Variants in ENKD1 observed in about 807,000 individuals in gnomAD.
ENKD1 encodes enkurin domain containing 1, also known as enkurin domain-containing protein 1.
Under a neutral mutation model 35.8 loss-of-function variants are expected in ENKD1, and 39 were observed. That is an observed-to-expected ratio of 1.09 (90% CI 0.84 to 1.42). The LOEUF (loss-of-function observed/expected upper bound fraction) is 1.42, where lower values mean the gene tolerates loss of function less well. Among genes scored for constraint, ENKD1 ranks in the 40% most tolerant of loss-of-function variants. The probability of loss-of-function intolerance (pLI) is 0.00; values close to 1 mark genes in which losing one functional copy is unlikely to be tolerated. For synonymous variants in ENKD1, 205 were observed against 198.6 expected (o/e 1.03, Z -0.27); for missense variants, 474 against 471.3 (o/e 1.01, Z -0.05).
At position 67,666,510 on chromosome 16, in the gene ENKD1, C is replaced by T. The variant is rs998444242; in HGVS notation, c.-68G>A. On this transcript the variant is annotated 5_prime_UTR_variant, in exon 1 of 7. Transcript: ENST00000243878. ...GCTGTTTACCTCCCTCCCCGGGCCC[C>T]CTTCCCCAACCCCGGGCCCCCTCCC... The T allele has an allele frequency of 7.5e-6, 10 of 1,333,340 alleles. No individual in the cohort carries two copies. In the South Asian group the frequency reaches 1.3e-4, roughly 17 times the overall value. 82.6% of individuals were successfully genotyped at this position (1,333,340 alleles called of 1,614,324 possible). A position where few individuals can be genotyped will look rare whatever the true frequency, so the allele number is the denominator to read the frequency against.
Position 67,663,993 on chromosome 16 carries a change from G to A in ENKD1, c.523C>T (p.Leu175Phe). The A allele has an allele frequency of 2.5e-6, 4 of 1,589,686 alleles. No homozygotes were observed. Among genetic ancestry groups the A allele is most frequent in the East Asian group, 2.3e-5 (1 of 43,870 alleles). The change falls in exon 4 of 7, where the codon CTC becomes TTC. Residue 175 changes from leucine to phenylalanine, a missense_variant. Physicochemically the swap from Leu to Phe is conservative, Grantham distance 22. Coordinates refer to ENST00000243878, the MANE Select transcript of ENKD1 (RefSeq NM_032140.3). ...GGACTAGATACATGGGGTGGTGGGA[G>A]GCCAGGGCCGCAGCGGGAGTGCGCC... is the stretch of plus-strand genomic sequence containing the variant. Reference protein sequence around the residue: ...LRAHSRCGPGLPPPHVSSPQP... With the variant: ...LRAHSRCGPGFPPPHVSSPQP...
At position 67,665,091 on chromosome 16, in the gene ENKD1, G is replaced by C; in HGVS notation, c.358C>G (p.Arg120Gly). The C allele has an allele frequency of 6.2e-7, 1 of 1,613,864 alleles. No homozygotes were observed. The highest frequency in any genetic ancestry group is 8.5e-7 in the Non-Finnish European group (1 of 1,179,968). The stretch of plus-strand genomic sequence containing the variant: ...CTGGGCTGGCCCTGCTCCCGGCTGC[G>C]CTCCTGTTCTCTGAAGCGCTTCTGA... ...EIQKRFREQE[R>G]SREQGQPRPL... The change falls in exon 3 of 7, where the codon CGC (arginine) becomes GGC (glycine). Residue 120 changes from arginine (R) to glycine (G), a missense_variant. Physicochemically the swap from Arg to Gly is moderately radical, Grantham distance 125 (BLOSUM62 -2). Transcript: ENST00000243878.
intron 3 of ENKD1, 106 bp downstream of exon 3, chr16:67,664,890 C>G (rs1032687083): frequency 5.7e-6 from 8 of 1,396,808 alleles, no homozygotes; most frequent in Non-Finnish European, 7.6e-6. Context: ...TCTCTTAGTC[C>G]TCTGTTACCT....
intron 3 of ENKD1, among the ~76,000 whole-genome samples, chr16:67,664,741 C>A (rs1411852761): frequency 6.6e-6 from 1 of 152,220 alleles, no homozygotes; most frequent in Non-Finnish European, 1.5e-5. Flanking sequence ...GCTGCGTGCC[C>A]TGTGGTCTGT....
intron 6 of ENKD1, 30 bp from the exon 7 acceptor site, chr16:67,663,351 G>A: frequency 6.2e-7 from 1 of 1,613,002 alleles, no homozygotes; most frequent in South Asian, 1.1e-5. Context: ...AGTGAGAACA[G>A]TGAGTGTTGG....
chr16:67,666,102 C>A lies in ENKD1; in HGVS notation c.249G>T (p.Gly83=), dbSNP rs2053098011. Residue 83 remains glycine (G), a synonymous_variant, in exon 2 of 7, where the codon GGG becomes GGT. Coordinates refer to ENST00000243878, the MANE Select transcript of ENKD1 (RefSeq NM_032140.3). ...GAGAGGCCCCAGGACCTAGGGAGATCCCCTCGAGTTGCAACAGCACGTCCC... is the reference window on the plus strand; with the variant it reads ...GAGAGGCCCCAGGACCTAGGGAGATACCCTCGAGTTGCAACAGCACGTCCC... ...GVGDVLLQLE[G]ISLGPGASLK... 1.2e-6 allele frequency: 2 copies of A among 1,612,716 alleles called. No individual in the cohort carries two copies. The highest frequency in any genetic ancestry group is 2.7e-5 in the African/African-American group (2 of 74,932).
Position 67,663,741 on chromosome 16 carries a change from A to T in ENKD1, c.659T>A (p.Leu220Gln). 1 of 1,612,558 alleles carries T rather than the reference A, an allele frequency of 6.2e-7. No individual in the cohort carries two copies. Among genetic ancestry groups the T allele is most frequent in the Non-Finnish European group, 8.5e-7 (1 of 1,179,352 alleles). Residue 220 changes from leucine to glutamine, a missense_variant, in exon 5 of 7, where the codon CTG (leucine) becomes CAG (glutamine). Physicochemically the swap from Leu to Gln is moderately radical, Grantham distance 113. Coordinates refer to ENST00000243878, the MANE Select transcript of ENKD1 (RefSeq NM_032140.3). ...KRAPRRHSCSLQVLAQVLEQQ... is the reference protein window; with the variant it reads ...KRAPRRHSCSQQVLAQVLEQQ... ...CTCTAGCACTTGTGCCAGGACCTGC[A>T]GTGAGCAGGAATGCCTCCGGGGGGC...
In ENKD1 at chr16:67,666,159, T is replaced by G. The variant is rs1555543818; in HGVS notation, c.192A>C (p.Gly64=). Residue 64 remains glycine, a synonymous_variant, in exon 2 of 7, where the codon GGA becomes GGC. Coordinates refer to ENST00000243878, the MANE Select transcript of ENKD1 (RefSeq NM_032140.3). The part of the protein sequence containing the change: ...PRGPCIGPGA[G]EILERGQRGV... ...CGCGCTGGCCGCGCTCCAGGATCTC[T>G]CCGGCACCGGGACCGATGCAGGGGC... 1.2e-6 allele frequency: 2 copies of G among 1,612,712 alleles called. No individual in the cohort carries two copies. The highest frequency in any genetic ancestry group is 2.2e-5 in the South Asian group (2 of 91,064).
rs372225637 is a variant in ENKD1 at position 67,666,077 on chromosome 16, G to T, written c.274C>A (p.Leu92Ile). The change falls in exon 2 of 7, where the codon CTC becomes ATC. Residue 92 changes from leucine to isoleucine, a missense_variant. Transcript: ENST00000243878. ...EGISLGPGAS[L>I]KRKDPKDHEK... The stretch of plus-strand genomic sequence containing the variant: ...TTCCATTCCTGGGACTTACTCTTGA[G>T]AGAGGCCCCAGGACCTAGGGAGATC... The T allele has an allele frequency of 3.6e-5, 58 of 1,612,394 alleles. No individual in the cohort carries two copies. The highest frequency in any genetic ancestry group is 4.7e-5 in the Non-Finnish European group (56 of 1,179,828).
Position 67,663,803 on chromosome 16 carries a change from C to T in ENKD1, c.597G>A (p.Val199=). 1 of 1,606,128 alleles carries T rather than the reference C, an allele frequency of 6.2e-7. No homozygotes were observed. Among genetic ancestry groups the T allele is most frequent in the Non-Finnish European group, 8.5e-7 (1 of 1,175,936 alleles). Residue 199 remains valine, a synonymous_variant, in exon 5 of 7, where the codon GTG becomes GTA. Coordinates refer to ENST00000243878, the MANE Select transcript of ENKD1 (RefSeq NM_032140.3). Reference sequence around the variant, plus strand: ...CTCGTGCATTGTGACGAATGAAGTCCACCCCCAGGCCTGGCTCCTGCAGGA... The same window carrying T: ...CTCGTGCATTGTGACGAATGAAGTCTACCCCCAGGCCTGGCTCCTGCAGGA... ...GPEAKEPGLG[V]DFIRHNARAA... is the part of the protein sequence containing the mutation.
In ENKD1 at chr16:67,663,443, T is replaced by G. The variant is rs752341319; in HGVS notation, c.857A>C (p.Glu286Ala). The G allele has an allele frequency of 6.2e-7, 1 of 1,613,276 alleles. No individual in the cohort carries two copies. The highest frequency in any genetic ancestry group is 8.5e-7 in the Non-Finnish European group (1 of 1,179,922). The stretch of plus-strand genomic sequence containing the variant: ...ACTCTGGAGCAGCTTGGTCAGTGTT[T>G]CCAGCCGCTGGTTCTCAGGCATGCG... ...HTRMPENQRL[E>A]TLTKLLQSQS... is the part of the protein sequence containing the mutation. The change falls in exon 6 of 7, where the codon GAA becomes GCA. Residue 286 changes from glutamate to alanine, a missense_variant. By Grantham distance (107) the Glu-to-Ala change is moderately radical. Coordinates refer to ENST00000243878, the MANE Select transcript of ENKD1 (RefSeq NM_032140.3).
intron 3 of ENKD1, 53 bp from the exon 4 acceptor site, chr16:67,664,115 A>C (rs1405558269): frequency 6.7e-7 from 1 of 1,502,574 alleles, no homozygotes; most frequent in Non-Finnish European, 9.0e-7. Flanking sequence ...CTGGGGCTCA[A>C]GCTGCAAGAC....
Position 67,666,575 on chromosome 16 carries a change from G to A in ENKD1, c.-133C>T, listed in dbSNP as rs1006918588. 16 of 825,434 alleles carry A rather than the reference G, an allele frequency of 1.9e-5. No individual in the cohort carries two copies. Among genetic ancestry groups the A allele is most frequent in the Non-Finnish European group, 2.4e-5 (14 of 576,210 alleles). 51.1% of individuals were successfully genotyped at this position (825,434 alleles called of 1,614,324 possible). ...GACCCTGGCGTGCCCGCCACTCCCGGGCCCCTGCCGGTCCCCGCCTGGGCC... is the reference window on the plus strand; with the variant it reads ...GACCCTGGCGTGCCCGCCACTCCCGAGCCCCTGCCGGTCCCCGCCTGGGCC... On this transcript the variant is annotated 5_prime_UTR_variant, in exon 1 of 7. Coordinates refer to ENST00000243878, the MANE Select transcript of ENKD1 (RefSeq NM_032140.3).
chr16:67,666,501 C>T lies in ENKD1; in HGVS notation c.-59G>A. ...GCCTGCAGGGCTGTTTACCTCCCTCCCCGGGCCCCCTTCCCCAACCCCGGG... is the reference window on the plus strand; with the variant it reads ...GCCTGCAGGGCTGTTTACCTCCCTCTCCGGGCCCCCTTCCCCAACCCCGGG... On this transcript the variant is annotated 5_prime_UTR_variant, in exon 1 of 7. Coordinates refer to ENST00000243878, the MANE Select transcript of ENKD1 (RefSeq NM_032140.3). The T allele has an allele frequency of 7.3e-7, 1 of 1,365,508 alleles. No homozygotes were observed. The highest frequency in any genetic ancestry group is 9.5e-7 in the Non-Finnish European group (1 of 1,056,038). 84.6% of individuals were successfully genotyped at this position (1,365,508 alleles called of 1,614,324 possible).
chr16:67,663,165 T>A lies in ENKD1; in HGVS notation c.1037A>T (p.Asp346Val), dbSNP rs1345571107. The change falls in exon 7 of 7, where the codon GAC (aspartate) becomes GTC (valine). Residue 346 changes from aspartate to valine, a missense_variant. Asp to Val is a radical substitution (Grantham distance 152). Coordinates refer to ENST00000243878, the MANE Select transcript of ENKD1 (RefSeq NM_032140.3). ...GCCACTGTCCCCCAAAGGGGCTCAG[T>A]CGTCCATCTTCACGAAGACTTTGGG... ...SRPKVFVKMD[D>V] is the part of the protein sequence containing the mutation. 6.2e-7 allele frequency: 1 copy of A among 1,613,928 alleles called. No homozygotes were observed. The highest frequency in any genetic ancestry group is 1.1e-5 in the South Asian group (1 of 91,084).
chr16:67,664,544 C>G (rs1230275733), intron 3 of ENKD1: 2 of 328,780 alleles, frequency 6.1e-6, no homozygotes, highest in Non-Finnish European at 1.2e-5. Flanking sequence ...TGCCTTTCCT[C>G]TCACTCCTGC....
chr16:67,663,250 G>A lies in ENKD1; in HGVS notation c.952C>T (p.Arg318Cys), dbSNP rs368191589. The A allele has an allele frequency of 3.7e-6, 6 of 1,613,832 alleles. No individual in the cohort carries two copies. Among genetic ancestry groups the A allele is most frequent in the Middle Eastern group, 1.6e-4 (1 of 6,084 alleles). ...GADSLRAQSH[R>C]AELDRKLVQV... ...ACCAGCTTCCGGTCCAGCTCAGCAC[G>A]GTGGCTCTGGGCTCTCAGTGAGTCT... is the stretch of plus-strand genomic sequence containing the variant. The change falls in exon 7 of 7, where the codon CGT becomes TGT. Residue 318 changes from arginine to cysteine, a missense_variant. Physicochemically the swap from Arg to Cys is radical, Grantham distance 180. Transcript: ENST00000243878.
rs1322814072 is a variant in ENKD1, at chr16:67,664,234, T to G, written c.454-172A>C. ...CACACAAATGTGTGAGTATGTCAGATTTTTAAGAAAACAACAAACCATCTC... is the reference window on the plus strand; with the variant it reads ...CACACAAATGTGTGAGTATGTCAGAGTTTTAAGAAAACAACAAACCATCTC... On this transcript the variant is annotated intron_variant, in intron 3 of 6. Coordinates refer to ENST00000243878, the MANE Select transcript of ENKD1 (RefSeq NM_032140.3). The G allele has an allele frequency of 1.5e-5, 11 of 710,322 alleles. No individual in the cohort carries two copies. In the East Asian group the frequency reaches 3.0e-4, roughly 19 times the overall value. The allele number at this position is 710,322 out of a possible 1,614,324, so 44.0% of individuals were successfully genotyped here.
At chr16:67,665,337 C>T (rs879657604) in intron 2 of ENKD1, among the ~76,000 whole-genome samples, 169 bp from the exon 3 acceptor site, 3 of 152,080 alleles carry the variant, frequency 2.0e-5, no homozygotes, top group Non-Finnish European at 4.4e-5. Flanking sequence ...TTCCCTTCCT[C>T]ATGTAGTAAG....
Sources: gnomAD v4.1 joint callset for allele counts (sites outside exome capture counted in the v4.1 genomes callset) on GRCh38, gnomAD v4.1.1 for gene constraint, MANE v1.5 for transcripts, NCBI Gene and HGNC (gene_info 2026-07-23, HGNC 2026-07-21) for gene names.